MN1: variants seen among roughly 807,000 people sequenced by gnomAD.
MN1 encodes the protein MN1 proto-oncogene, transcriptional regulator, also known as transcriptional activator MN1.
A neutral mutation model predicts 86.9 loss-of-function variants in MN1; 19 were observed. The observed-to-expected ratio is 0.22, with a 90% CI of 0.15 to 0.32. The LOEUF (loss-of-function observed/expected upper bound fraction) is 0.32. Among genes scored for constraint, MN1 ranks in the 10% least tolerant of loss-of-function variants. The pLI, the probability that MN1 is intolerant of heterozygous loss-of-function variation, is 1.00. For missense variants in MN1, 1,841 were observed against 1,862.0 expected, an observed-to-expected ratio of 0.99 and a Z score of 0.21; for synonymous variants, 928 against 849.6, an observed-to-expected ratio of 1.09 and a Z score of -1.60.
chr22:27,764,983 G>A (rs1272213041), intron 1 of MN1, among the ~76,000 whole-genome samples: 1 of 152,194 alleles, frequency 6.6e-6, no homozygotes, highest in Non-Finnish European at 1.5e-5. Context: ...TTTTCCTAGA[G>A]TTGCATCAGA....
At chr22:27,755,630 C>T (rs1932797269) in intron 1 of MN1, among the ~76,000 whole-genome samples, 2 of 152,192 alleles carry the variant, frequency 1.3e-5, no homozygotes, top group Admixed American at 1.3e-4. Context: ...CCGGCCTCTT[C>T]CTACTACCCC....
At position 27,777,241 on chromosome 22, in the gene MN1, G is replaced by A. The variant is rs185050982; in HGVS notation, c.3781+19522C>T. On this transcript the variant is annotated intron_variant, in intron 1 of 1. Coordinates refer to ENST00000302326, the MANE Select transcript of MN1 (RefSeq NM_002430.3). ...ATTTGGAGAGAGACGCAAGCAAGAAGAAAAGTTCTGGCTGGGTGCAGCATC... is the reference window on the plus strand; with the variant it reads ...ATTTGGAGAGAGACGCAAGCAAGAAAAAAAGTTCTGGCTGGGTGCAGCATC... 2.0e-3 allele frequency among the ~76,000 whole-genome samples: 299 copies of A among 152,262 alleles called. 2 individuals are homozygous for A. Among genetic ancestry groups the A allele is most frequent in the Non-Finnish European group, 2.9e-3 (194 of 68,018 alleles).
rs749590582 is a variant in MN1, at chr22:27,797,862, G to C, written c.2682C>G (p.Ser894=). ...APGAPGPGGP[S]GTSSSGSKAS... is the part of the protein sequence containing the mutation. Reference sequence around the variant, plus strand: ...CTTTGGAGCCGCTGCTACTGGTCCCGGACGGGCCTCCGGGTCCTGGGGCCC... The same window carrying C: ...CTTTGGAGCCGCTGCTACTGGTCCCCGACGGGCCTCCGGGTCCTGGGGCCC... Residue 894 remains serine (S), a synonymous_variant, in exon 1 of 2, where the codon TCC becomes TCG. Coordinates refer to ENST00000302326, the MANE Select transcript of MN1 (RefSeq NM_002430.3). The C allele has an allele frequency of 6.3e-7, 1 of 1,586,590 alleles. No individual in the cohort carries two copies. Among genetic ancestry groups the C allele is most frequent in the East Asian group, 2.2e-5 (1 of 44,590 alleles).
chr22:27,795,980 CG>C (rs1380682104), intron 1 of MN1, among the ~76,000 whole-genome samples: 1 of 152,134 alleles, frequency 6.6e-6, no homozygotes, highest in African/African-American at 2.4e-5. Flanking sequence ...TTGACAAACA[CG>C]GATCCTTTGT....
intron 1 of MN1, among the ~76,000 whole-genome samples, chr22:27,772,684 G>A (rs45488494): frequency 1.3e-5 from 2 of 152,202 alleles, no homozygotes; most frequent in African/African-American, 4.8e-5. Flanking sequence ...GATCTCTCAC[G>A]CAGCTGCGCC....
At position 27,801,063 on chromosome 22, in the gene MN1, C is replaced by G. The variant is rs1466781534; in HGVS notation, c.-520G>C. The G allele has an allele frequency of 1.3e-5, 3 of 238,036 alleles. No homozygotes were observed. The highest frequency in any genetic ancestry group is 5.1e-5 in the Admixed American group (1 of 19,660). 14.7% of individuals were successfully genotyped at this position (238,036 alleles called of 1,614,324 possible). On this transcript the variant is annotated 5_prime_UTR_variant, in exon 1 of 2. Transcript: ENST00000302326. ...TCAAAGCCGCGGCTGGCGCCGGGCA[C>G]CGACAGAGCGGTCCCTCCCCCCGCC... is the stretch of plus-strand genomic sequence containing the variant.
intron 1 of MN1, among the ~76,000 whole-genome samples, chr22:27,778,982 G>A (rs893111424): frequency 7.2e-5 from 11 of 152,128 alleles, no homozygotes; most frequent in African/African-American, 2.4e-4. Context: ...CCCATACAGG[G>A]GCATCCCTTC....
At position 27,800,672 on chromosome 22, in the gene MN1, G is replaced by T; in HGVS notation, c.-129C>A. The T allele has an allele frequency of 7.5e-7, 1 of 1,340,340 alleles. No homozygotes were observed. The highest frequency in any genetic ancestry group is 1.0e-6 in the Non-Finnish European group (1 of 980,692). 83.0% of individuals were successfully genotyped at this position (1,340,340 alleles called of 1,614,324 possible). The stretch of plus-strand genomic sequence containing the variant: ...ACGCTCAGCACCGCGGGGGCTCAGC[G>T]CGCACCTCCACCCCGCCTGATGTGA... On this transcript the variant is annotated 5_prime_UTR_variant, in exon 1 of 2. Coordinates refer to ENST00000302326, the MANE Select transcript of MN1 (RefSeq NM_002430.3).
rs116921745 is a variant in MN1 at position 27,763,359 on chromosome 22, C to T, written c.3782-12263G>A. ...AGCTGGCAAGGGGCCGGCTTACCCA[C>T]ATAAGTTCCCACGCACTGCTTCATC... On this transcript the variant is annotated intron_variant, in intron 1 of 1. Transcript: ENST00000302326. 3.5e-3 allele frequency among the ~76,000 whole-genome samples: 537 copies of T among 152,292 alleles called. 21 individuals are homozygous for T. In the East Asian group the frequency reaches 0.085, roughly 24 times the overall value.
In MN1 at chr22:27,800,152, C is replaced by A. The variant is rs753846776; in HGVS notation, c.392G>T (p.Gly131Val). 4 of 1,554,844 alleles carry A rather than the reference C, an allele frequency of 2.6e-6. No individual in the cohort carries two copies. In the African/African-American group the frequency reaches 5.5e-5, roughly 21 times the overall value. ...TGCGCCGCCGTAGCCGAGCAGGCGA[C>A]CCCCGTGCAGGCACGAGGCCCCGGG... ...PDPGASCLHG[G>V]RLLGYGGAAG... Residue 131 changes from glycine to valine, a missense_variant, in exon 1 of 2, where the codon GGT becomes GTT. Coordinates refer to ENST00000302326, the MANE Select transcript of MN1 (RefSeq NM_002430.3).
chr22:27,780,070 C>T (rs1313484299), intron 1 of MN1, among the ~76,000 whole-genome samples: 2 of 152,174 alleles, frequency 1.3e-5, no homozygotes, highest in Non-Finnish European at 2.9e-5. Context: ...AAGTTTCTGC[C>T]ATCTCAGAAA....
intron 1 of MN1, among the ~76,000 whole-genome samples, chr22:27,751,697 T>C (rs1009579434): frequency 6.6e-6 from 1 of 152,248 alleles, no homozygotes; most frequent in South Asian, 2.1e-4. Context: ...AGAGGGAAGA[T>C]GACTTGCCCC....
At chr22:27,777,737 G>A (rs567758357) in intron 1 of MN1, among the ~76,000 whole-genome samples, 6 of 151,786 alleles carry the variant, frequency 4.0e-5, no homozygotes, top group East Asian at 1.9e-4. Context: ...TTAGCTGGGC[G>A]TGGTGGCGCA....
At position 27,797,767 on chromosome 22, in the gene MN1, G is replaced by C; in HGVS notation, c.2777C>G (p.Ser926Cys). The C allele has an allele frequency of 6.2e-7, 1 of 1,607,886 alleles. No individual in the cohort carries two copies. The highest frequency in any genetic ancestry group is 1.3e-5 in the African/African-American group (1 of 74,998). Residue 926 changes from serine to cysteine, a missense_variant, in exon 1 of 2, where the codon TCC becomes TGC. Coordinates refer to ENST00000302326, the MANE Select transcript of MN1 (RefSeq NM_002430.3). ...TSLSPNYTLE[S>C]TSGNDGKPVS... ...CGGCTTGCCGTCATTCCCCGACGTG[G>C]ATTCCAGGGTGTAGTTGGGGGAGAG... is the stretch of plus-strand genomic sequence containing the variant.
Position 27,800,262 on chromosome 22 carries a change from G to A in MN1, c.282C>T (p.Gly94=). The A allele has an allele frequency of 1.3e-6, 2 of 1,583,782 alleles. No individual in the cohort carries two copies. Among genetic ancestry groups the A allele is most frequent in the South Asian group, 1.2e-5 (1 of 86,082 alleles). Residue 94 remains glycine, a synonymous_variant, in exon 1 of 2, where the codon GGC becomes GGT. Transcript: ENST00000302326. Reference sequence around the variant, plus strand: ...CCGGGTGGCCGTGGTGAGGCTGCTGGCCGCCAAAGAAGCCGTGCACAGGCT... The same window carrying A: ...CCGGGTGGCCGTGGTGAGGCTGCTGACCGCCAAAGAAGCCGTGCACAGGCT... The part of the protein sequence containing the change: ...QAQPVHGFFG[G]QQPHHGHPGS...
Position 27,800,857 on chromosome 22 carries a change from C to G in MN1, c.-314G>C. 3 of 356,428 alleles carry G rather than the reference C, an allele frequency of 8.4e-6. No individual in the cohort carries two copies. The highest frequency in any genetic ancestry group is 1.5e-5 in the Non-Finnish European group (3 of 198,316). The allele number at this position is 356,428 out of a possible 1,614,324, so 22.1% of individuals were successfully genotyped here. A position where few individuals can be genotyped will look rare whatever the true frequency, so the allele number is the denominator to read the frequency against. On this transcript the variant is annotated 5_prime_UTR_variant, in exon 1 of 2. Coordinates refer to ENST00000302326, the MANE Select transcript of MN1 (RefSeq NM_002430.3). ...CGCGGGTGGGTCTGCGGGGAGGGGA[C>G]GAAGCCGCGGATGAACGGAGACAAA... is the stretch of plus-strand genomic sequence containing the variant.
chr22:27,757,125 G>A (rs551620336), intron 1 of MN1, among the ~76,000 whole-genome samples: 1 of 152,202 alleles, frequency 6.6e-6, no homozygotes, highest in African/African-American at 2.4e-5. Context: ...ACTGAAAGAT[G>A]GTCCAGAGAG....
intron 1 of MN1, among the ~76,000 whole-genome samples, chr22:27,776,527 G>A (rs1038395413): frequency 7.9e-5 from 12 of 152,146 alleles, no homozygotes; most frequent in Admixed American, 2.0e-4. Context: ...AGGCTGGGGG[G>A]TGGCTCTGAA....
intron 1 of MN1, among the ~76,000 whole-genome samples, chr22:27,754,124 C>T (rs554556416): frequency 1.3e-5 from 2 of 152,168 alleles, no homozygotes; most frequent in South Asian, 4.1e-4. Flanking sequence ...GCTGCAAACA[C>T]CCAGAAAGTG....
Sources: gnomAD v4.1 joint callset for allele counts (sites outside exome capture counted in the v4.1 genomes callset) on GRCh38, gnomAD v4.1.1 for gene constraint, MANE v1.5 for transcripts, NCBI Gene and HGNC (gene_info 2026-07-23, HGNC 2026-07-21) for gene names.